Variants in PDS5A observed in about 807,000 individuals in gnomAD.
PDS5A encodes the protein PDS5 cohesin associated factor A.
PDS5A carries 42 observed loss-of-function variants against 167.1 expected under a neutral mutation model. The ratio of observed to expected loss-of-function variants is 0.25; its 90% CI spans 0.20 to 0.33. The LOEUF is 0.33. PDS5A is among the 10% of genes least tolerant of loss of function. PDS5A has a pLI of 1.00. For missense variants in PDS5A, 1,033 were observed against 1,605.9 expected (o/e 0.64, Z 6.10); for synonymous variants, 553 against 554.6 (o/e 1.00, Z 0.04).
intron 23 of PDS5A, among the ~76,000 whole-genome samples, chr4:39,864,482 G>T (rs1035741448): frequency 6.6e-6 from 1 of 152,194 alleles, no homozygotes; most frequent in African/African-American, 2.4e-5. Flanking sequence ...ATGTGGTAAT[G>T]AATGGGATGG....
chr4:39,887,928 T>C (rs1370329578), intron 17 of PDS5A, among the ~76,000 whole-genome samples: 1 of 150,580 alleles, frequency 6.6e-6, no homozygotes, highest in African/African-American at 2.4e-5. Context: ...AAACAAAAAA[T>C]CAAAACCATA....
In PDS5A at chr4:39,825,249, G is replaced by C. The variant is rs1342690946; in HGVS notation, c.*236C>G. On this transcript the variant is annotated 3_prime_UTR_variant, in exon 33 of 33. Transcript: ENST00000303538. Reference sequence around the variant, plus strand: ...TTTCGTAAGAAAAGTCTAGGGGAAGGGGGAGAACAGAGTTGCTTTTAGCCT... The same window carrying C: ...TTTCGTAAGAAAAGTCTAGGGGAAGCGGGAGAACAGAGTTGCTTTTAGCCT... 5.0e-6 allele frequency: 2 copies of C among 401,430 alleles called. No homozygotes were observed. The highest frequency in any genetic ancestry group is 8.9e-6 in the Non-Finnish European group (2 of 225,698). The allele number at this position is 401,430 out of a possible 1,614,324, so 24.9% of individuals were successfully genotyped here.
chr4:39,918,928 A>T (rs1209007609), intron 7 of PDS5A, among the ~76,000 whole-genome samples: 1 of 152,210 alleles, frequency 6.6e-6, no homozygotes, highest in Non-Finnish European at 1.5e-5. Flanking sequence ...AATGAAGAAG[A>T]TAGTTTTATC....
At chr4:39,943,794 G>T (rs534245738) in intron 2 of PDS5A, among the ~76,000 whole-genome samples, 1 of 151,302 alleles carries the variant, frequency 6.6e-6, no homozygotes, top group Non-Finnish European at 1.5e-5. Context: ...GCAACAAAGC[G>T]AACCGTATCA....
chr4:39,942,056 A>C (rs543775645), intron 2 of PDS5A, among the ~76,000 whole-genome samples: 2 of 152,236 alleles, frequency 1.3e-5, no homozygotes, highest in Admixed American at 1.3e-4. Context: ...AGATTTTAAA[A>C]CCAAACACAG....
Position 39,844,678 on chromosome 4 carries a change from G to A in PDS5A, c.3526C>T (p.Pro1176Ser), listed in dbSNP as rs940975618. 3.1e-6 allele frequency: 5 copies of A among 1,608,536 alleles called. No homozygotes were observed. In the East Asian group the frequency reaches 1.1e-4, roughly 36 times the overall value. ...SNINVNSELN[P>S]STGNRSREQS... ...TGCCTTGATCGATTTCCGGTTGAAG[G>A]GTTCAGCTCTGAATTTACATTAATA... is the stretch of plus-strand genomic sequence containing the variant. The change falls in exon 30 of 33, where the codon CCT becomes TCT. Residue 1176 changes from proline to serine, a missense_variant. Physicochemically the swap from Pro to Ser is moderately conservative, Grantham distance 74. Transcript: ENST00000303538.
At chr4:39,954,787 T>C (rs1029367240) in intron 2 of PDS5A, among the ~76,000 whole-genome samples, 4 of 149,850 alleles carry the variant, frequency 2.7e-5, no homozygotes, top group African/African-American at 7.4e-5. Context: ...TGCCTGTTAA[T>C]AGGCATGAAC....
At chr4:39,897,885 G>T in intron 16 of PDS5A, 14 of 241,664 alleles carry the variant, frequency 5.8e-5, no homozygotes, top group Non-Finnish European at 8.6e-5. Context: ...AAAAAAAGCT[G>T]AATAAATGAA....
chr4:39,834,300 C>T (rs1256431275), intron 32 of PDS5A, among the ~76,000 whole-genome samples: 1 of 151,988 alleles, frequency 6.6e-6, no homozygotes, highest in East Asian at 1.9e-4. Context: ...ATGCTCAAGG[C>T]ATTTTGCTTG....
At chr4:39,955,233 T>C (rs1313890600) in intron 2 of PDS5A, among the ~76,000 whole-genome samples, 1 of 152,118 alleles carries the variant, frequency 6.6e-6, no homozygotes, top group African/African-American at 2.4e-5. Flanking sequence ...GGATTTACCA[T>C]GCTGAAAAAT....
intron 2 of PDS5A, among the ~76,000 whole-genome samples, chr4:39,945,248 C>T (rs1168587447): frequency 2.6e-5 from 4 of 151,812 alleles, no homozygotes; most frequent in African/African-American, 9.7e-5. Context: ...ATCATGAGGT[C>T]AGGAGATCGA....
At chr4:39,974,138 C>G (rs62309249) in intron 2 of PDS5A, 1 of 571,614 alleles carries the variant, frequency 1.7e-6, no homozygotes, top group Non-Finnish European at 3.5e-6. Context: ...AAATAAAAAC[C>G]GTGCTGCATA....
intron 17 of PDS5A, among the ~76,000 whole-genome samples, chr4:39,886,936 T>C (rs562544195): frequency 1.3e-5 from 2 of 152,124 alleles, no homozygotes; most frequent in South Asian, 2.1e-4. Context: ...GCTGTCGGCA[T>C]ACGTAGATGC....
At chr4:39,951,737 A>G (rs1292495308) in intron 2 of PDS5A, among the ~76,000 whole-genome samples, 4 of 151,928 alleles carry the variant, frequency 2.6e-5, no homozygotes, top group Admixed American at 2.6e-4. Context: ...CTTCTCTACT[A>G]AAAATACAAA....
rs1268744966 is a variant in PDS5A at position 39,923,353 on chromosome 4, A to AAAAAGG, written c.528-611_528-606dup. On this transcript the variant is annotated intron_variant, in intron 5 of 32. Transcript: ENST00000303538. ...AATTAAAAAAAAAAAAAAAGAAAAA[A>AAAAAGG]AAAAGGAAAAGGAAAAAAAGACCTT... Among the ~76,000 whole-genome samples, 3 of 151,638 alleles carry AAAAAGG rather than the reference A, an allele frequency of 2.0e-5. No individual in the cohort carries two copies. The East Asian group carries it at 5.8e-4, about 29-fold the overall frequency.
intron 32 of PDS5A, among the ~76,000 whole-genome samples, chr4:39,834,111 G>A (rs1167203397): frequency 6.6e-6 from 1 of 152,000 alleles, no homozygotes; most frequent in Non-Finnish European, 1.5e-5. Flanking sequence ...CAGCTACCAG[G>A]GAGGTTGAGC....
rs1414768034 is a variant in PDS5A at position 39,872,588 on chromosome 4, T to C, written c.2436+398A>G. ...GCTGAGGAATGAGAGGAGGCCAAGG[T>C]TGCAGTGAGCCGAGATCGTGCCACT... On this transcript the variant is annotated intron_variant, in intron 21 of 32. Coordinates refer to ENST00000303538, the MANE Select transcript of PDS5A (RefSeq NM_001100399.2). Among the ~76,000 whole-genome samples the C allele has an allele frequency of 2.6e-5, 4 of 152,052 alleles. No individual in the cohort carries two copies. In the East Asian group the frequency reaches 5.8e-4, roughly 22 times the overall value.
intron 30 of PDS5A, among the ~76,000 whole-genome samples, chr4:39,842,911 A>ATATATATATATATATATATATATATGTG (rs1717178510): frequency 1.5e-5 from 1 of 67,330 alleles, no homozygotes; most frequent in African/African-American, 4.3e-5. Flanking sequence ...TCCTATTTTT[A>ATATATATATATATATATATATATATGTG]TATATATATA....
intron 30 of PDS5A, among the ~76,000 whole-genome samples, chr4:39,844,285 GC>G (rs1409116994): frequency 1.3e-5 from 2 of 152,112 alleles, no homozygotes; most frequent in African/African-American, 4.8e-5. Flanking sequence ...GACCAGCCTG[GC>G]CAACATGGTG....
Sources: gnomAD v4.1 joint callset for allele counts (sites outside exome capture counted in the v4.1 genomes callset) on GRCh38, gnomAD v4.1.1 for gene constraint, MANE v1.5 for transcripts, NCBI Gene and HGNC (gene_info 2026-07-23, HGNC 2026-07-21) for gene names.